Variants in ALG14 observed in about 807,000 individuals in gnomAD.
ALG14 encodes the protein UDP-N-acetylglucosamine transferase subunit ALG14.
Under a neutral mutation model 22.8 loss-of-function variants are expected in ALG14, and 17 were observed. The observed-to-expected ratio is 0.75, with a 90% confidence interval of 0.51 to 1.12. The LOEUF is 1.12. Among genes scored for constraint, ALG14 ranks in the 50% most tolerant of loss-of-function variants. The probability of loss-of-function intolerance (pLI) is 0.00; values close to 1 mark genes in which losing one functional copy is unlikely to be tolerated. For synonymous variants in ALG14, 89 were observed against 103.7 expected (o/e 0.86, Z 0.86); for missense variants, 288 against 271.8 (o/e 1.06, Z -0.42).
At chr1:94,985,106 T>TA (rs1672608379) in intron 3 of ALG14, among the ~76,000 whole-genome samples, 2 of 152,184 alleles carry the variant, frequency 1.3e-5, no homozygotes, top group African/African-American at 4.8e-5. Flanking sequence ...GTGAAGGAGT[T>TA]ACGTTGCTTC....
chr1:94,998,887 A>C (rs993555941), intron 3 of ALG14, among the ~76,000 whole-genome samples: 2 of 152,156 alleles, frequency 1.3e-5, no homozygotes, highest in Admixed American at 1.3e-4. Context: ...GCTTACAATC[A>C]AGAAATGGTA....
intron 3 of ALG14, chr1:94,983,710 T>TG (rs1291809142): frequency 1.2e-5 from 2 of 167,436 alleles, no homozygotes; most frequent in African/African-American, 4.8e-5. Context: ...AACTTATTCT[T>TG]GATTTGGGAG....
intron 1 of ALG14, among the ~76,000 whole-genome samples, chr1:95,067,742 T>C (rs1675423684): frequency 1.3e-5 from 2 of 152,190 alleles, no homozygotes; most frequent in Admixed American, 6.5e-5. Flanking sequence ...CCACTTCCCC[T>C]TCAGTCTATC....
chr1:95,072,655 C>CA, intron 1 of ALG14, 108 bp downstream of exon 1: 2 of 1,459,934 alleles, frequency 1.4e-6, no homozygotes, highest in Non-Finnish European at 1.9e-6. Context: ...CAAATCTCTG[C>CA]ATGCAACACT....
chr1:95,032,050 C>T (rs540466338), intron 2 of ALG14, among the ~76,000 whole-genome samples: 179 of 152,264 alleles, frequency 1.2e-3, no homozygotes, highest in African/African-American at 3.9e-3. Flanking sequence ...CTCAGGTGAT[C>T]TGCCCACCTC....
chr1:95,005,626 T>C (rs1571596607), intron 3 of ALG14, among the ~76,000 whole-genome samples: 1 of 152,216 alleles, frequency 6.6e-6, no homozygotes, highest in Non-Finnish European at 1.5e-5. Context: ...TACTGCATTC[T>C]TTACTTGAAG....
At position 95,072,793 on chromosome 1, in the gene ALG14, A is replaced by T; in HGVS notation, c.106T>A (p.Ser36Thr). ...LRSMDVTPRE[S>T]LSILVVAGSG... ...CCAGCCACTACCAAGATACTGAGAG[A>T]CTCCCGGGGCGTAACGTCCATGGAA... Residue 36 changes from serine (S) to threonine (T), a missense_variant, in exon 1 of 4, where the codon TCT becomes ACT. Ser to Thr is a moderately conservative substitution (Grantham distance 58). Transcript: ENST00000370205. The T allele has an allele frequency of 6.2e-7, 1 of 1,613,860 alleles. No homozygotes were observed. The highest frequency in any genetic ancestry group is 8.5e-7 in the Non-Finnish European group (1 of 1,179,976).
intron 3 of ALG14, among the ~76,000 whole-genome samples, chr1:94,994,032 C>T (rs1024082543): frequency 2.0e-5 from 3 of 152,156 alleles, no homozygotes; most frequent in Admixed American, 6.5e-5. Context: ...TGTTCCATCA[C>T]GAAAAACAAA....
chr1:95,067,767 C>T (rs982995303), intron 1 of ALG14, among the ~76,000 whole-genome samples: 3 of 152,134 alleles, frequency 2.0e-5, no homozygotes, highest in Non-Finnish European at 4.4e-5. Context: ...CATAACATCC[C>T]GTGTGACCCT....
At chr1:95,061,562 TG>T (rs1365622336) in intron 2 of ALG14, 3 of 152,126 alleles carry the variant, frequency 2.0e-5, no homozygotes, top group African/African-American at 7.2e-5. Flanking sequence ...GAGTGGGTCC[TG>T]ATTTCCCAAG....
intron 3 of ALG14, among the ~76,000 whole-genome samples, chr1:95,004,553 G>A (rs1200854130): frequency 6.6e-6 from 1 of 152,002 alleles, no homozygotes; most frequent in African/African-American, 2.4e-5. Context: ...AGGCTACAGT[G>A]CAGTGGTGCA....
chr1:95,000,555 A>G (rs2100734046), intron 3 of ALG14, among the ~76,000 whole-genome samples: 1 of 150,760 alleles, frequency 6.6e-6, no homozygotes, highest in South Asian at 2.1e-4. Flanking sequence ...AAAAAAAAAA[A>G]AAAAGAAATA....
chr1:94,999,322 T>G (rs1672995929), intron 3 of ALG14, among the ~76,000 whole-genome samples: 2 of 148,594 alleles, frequency 1.3e-5, no homozygotes, highest in Admixed American at 1.3e-4. Flanking sequence ...AAGTATCCAA[T>G]TAAATATTTT....
chr1:95,065,169 A>C (rs1332534068), intron 1 of ALG14, 152 bp from the exon 2 acceptor site: 4 of 646,900 alleles, frequency 6.2e-6, no homozygotes, highest in African/African-American at 3.6e-5. Flanking sequence ...TTTGAAAACA[A>C]TAAATCTATG....
chr1:94,986,749 G>A (rs1672654368), intron 3 of ALG14, among the ~76,000 whole-genome samples: 1 of 150,514 alleles, frequency 6.6e-6, no homozygotes, highest in African/African-American at 2.4e-5. Flanking sequence ...GGGATTGCAG[G>A]CATCAGTCAC....
At chr1:95,002,459 C>A (rs1348148010) in intron 3 of ALG14, among the ~76,000 whole-genome samples, 1 of 152,000 alleles carries the variant, frequency 6.6e-6, no homozygotes, top group Non-Finnish European at 1.5e-5. Context: ...AACGCCAGGA[C>A]AGCAAAAGCC....
chr1:95,064,643 G>T (rs1675290822), intron 2 of ALG14, among the ~76,000 whole-genome samples: 1 of 152,066 alleles, frequency 6.6e-6, no homozygotes, highest in African/African-American at 2.4e-5. Context: ...ACTTGATCAT[G>T]GTGGATAAAC....
intron 3 of ALG14, among the ~76,000 whole-genome samples, chr1:94,984,660 T>C (rs1672590768): frequency 6.6e-6 from 1 of 152,238 alleles, no homozygotes; most frequent in Non-Finnish European, 1.5e-5. Flanking sequence ...CTGTCCAGAC[T>C]GGTCTTTAAT....
At chr1:95,069,181 T>C (rs1675476481) in intron 1 of ALG14, among the ~76,000 whole-genome samples, 1 of 152,174 alleles carries the variant, frequency 6.6e-6, no homozygotes, top group African/African-American at 2.4e-5. Flanking sequence ...TGGGTGACTC[T>C]CCACTGAAAA....
Sources: allele counts gnomAD v4.1 joint callset (sites outside exome capture counted in the v4.1 genomes callset), GRCh38; gene constraint gnomAD v4.1.1; transcripts MANE v1.5; gene names NCBI Gene and HGNC (gene_info 2026-07-23, HGNC 2026-07-21).